TPM4: variants seen among roughly 807,000 people sequenced by gnomAD.
TPM4 encodes tropomyosin alpha-4 chain.
Under a neutral mutation model 35.8 loss-of-function variants are expected in TPM4, and 17 were observed. That is an observed-to-expected ratio of 0.47 (90% CI 0.32 to 0.71). The LOEUF is 0.71. TPM4 is among the 30% of genes least tolerant of loss of function. The pLI, the probability that TPM4 is intolerant of heterozygous loss-of-function variation, is 0.03. For missense variants in TPM4, 240 were observed against 320.9 expected (o/e 0.75, Z 1.93); for synonymous variants, 120 against 122.9 (o/e 0.98, Z 0.15).
rs2090777009 is a variant in TPM4, at chr19:16,102,901, G to A, written c.*1555G>A. The stretch of plus-strand genomic sequence containing the variant: ...TACCCAGGAAATACACTAGCAAATT[G>A]TGCAATGGAATAAAATCCACACTTT... On this transcript the variant is annotated 3_prime_UTR_variant, in exon 8 of 8. Coordinates refer to ENST00000643579, the MANE Select transcript of TPM4 (RefSeq NM_003290.3). 1.1e-5 allele frequency: 2 copies of A among 175,840 alleles called. No homozygotes were observed. The allele number at this position is 175,840 out of a possible 1,614,324, so 10.9% of individuals were successfully genotyped here.
At chr19:16,095,495 G>T in intron 7 of TPM4, 1 of 1,021,214 alleles carries the variant, frequency 9.8e-7, no homozygotes, top group Admixed American at 5.8e-5. Flanking sequence ...AAATAAAGAC[G>T]GGCAGTCCTC....
At chr19:16,073,474 T>G (rs1334413949), upstream of TPM4, among the ~76,000 whole-genome samples, 2 of 152,162 alleles carry the variant, frequency 1.3e-5, no homozygotes, top group Admixed American at 1.3e-4. Flanking sequence ...AAGGTTTCTG[T>G]TCTGCAGATG....
chr19:16,077,940 TTA>T, intron 1 of TPM4: 1 of 354,620 alleles, frequency 2.8e-6, no homozygotes, highest in Non-Finnish European at 5.0e-6. Context: ...TTTTTTTTTT[TTA>T]TTTTGGATTT....
At chr19:16,095,339 C>CT in intron 7 of TPM4, 1 of 1,038,050 alleles carries the variant, frequency 9.6e-7, no homozygotes, top group Non-Finnish European at 1.2e-6. Context: ...GACATGACCT[C>CT]TCTCTGAGAG....
intron 1 of TPM4, chr19:16,077,502 CCATCCTCTCTGCAT>C (rs919871208): frequency 6.6e-6 from 1 of 152,210 alleles, no homozygotes; most frequent in Non-Finnish European, 1.5e-5. Flanking sequence ...GGGAGTTTCA[CCATCCTCTCTGCAT>C]CATCCTCCTG....
Position 16,076,704 on chromosome 19 carries a change from G to A in TPM4, c.132+7G>A. 1 of 1,335,218 alleles carries A rather than the reference G, an allele frequency of 7.5e-7. No homozygotes were observed. Among genetic ancestry groups the A allele is most frequent in the Non-Finnish European group, 9.6e-7 (1 of 1,044,012 alleles). 82.7% of individuals were successfully genotyped at this position (1,335,218 alleles called of 1,614,324 possible). On this transcript the variant is annotated splice_region_variant and intron_variant, in intron 1 of 7. Coordinates refer to ENST00000643579, the MANE Select transcript of TPM4 (RefSeq NM_003290.3). ...GCGCGAGCGGCGCGAGAAAGTGAGC[G>A]CCCCGGCCTCGGGCCCCGCACCCGC... is the stretch of plus-strand genomic sequence containing the variant.
At chr19:16,081,830 A>G in intron 1 of TPM4, 83 bp from the exon 2 acceptor site, 1 of 1,447,520 alleles carries the variant, frequency 6.9e-7, no homozygotes, top group South Asian at 1.5e-5. Context: ...AGATCAGGTT[A>G]ACAGAGGGCA....
chr19:16,095,235 C>T (rs961878386), intron 7 of TPM4: 2 of 1,017,356 alleles, frequency 2.0e-6, no homozygotes, highest in African/African-American at 1.7e-5. Flanking sequence ...TACTTCTGAA[C>T]TGTCTCCCTG....
At chr19:16,076,875 C>G in intron 1 of TPM4, 178 bp downstream of exon 1, 6 of 1,217,560 alleles carry the variant, frequency 4.9e-6, no homozygotes, top group Non-Finnish European at 6.2e-6. Context: ...CTACTTCCTC[C>G]GCCGTCCTCC....
rs939063088 is a variant in TPM4, at chr19:16,102,995, A to G, written c.*1649A>G. On this transcript the variant is annotated 3_prime_UTR_variant, in exon 8 of 8. Coordinates refer to ENST00000643579, the MANE Select transcript of TPM4 (RefSeq NM_003290.3). ...ACATTTTGGTCAAATAAATTTTTAC[A>G]TAAACTACAATTTGCGTGAATTTTA... 6.5e-4 allele frequency: 130 copies of G among 199,532 alleles called. No homozygotes were observed. Among genetic ancestry groups the G allele is most frequent in the African/African-American group, 2.8e-3 (124 of 43,572 alleles). The allele number at this position is 199,532 out of a possible 1,614,324, so 12.4% of individuals were successfully genotyped here. A position where few individuals can be genotyped will look rare whatever the true frequency, so the allele number is the denominator to read the frequency against.
intron 7 of TPM4, chr19:16,095,377 C>G (rs2090683465): frequency 6.8e-6 from 7 of 1,034,560 alleles, no homozygotes; most frequent in East Asian, 5.9e-5. Flanking sequence ...CTCTGTCCTT[C>G]TCACATGGTG....
intron 2 of TPM4, among the ~76,000 whole-genome samples, chr19:16,069,752 G>A (rs1260613132): frequency 1.3e-5 from 2 of 150,602 alleles, no homozygotes; most frequent in South Asian, 4.2e-4. Flanking sequence ...TGGGGGGTGT[G>A]TGCATGTGTG....
upstream of TPM4, chr19:16,075,970 T>TG (rs1054811092): frequency 7.7e-5 from 118 of 1,528,282 alleles, no homozygotes; most frequent in Non-Finnish European, 9.0e-5. Flanking sequence ...TTGTGAATAT[T>TG]GGGGGGGACC....
At chr19:16,084,985 G>T (rs550026272) in intron 2 of TPM4, among the ~76,000 whole-genome samples, 1 of 151,998 alleles carries the variant, frequency 6.6e-6, no homozygotes, top group Non-Finnish European at 1.5e-5. Flanking sequence ...GGCAGGGTGC[G>T]GTGGCTCACA....
chr19:16,094,983 G>T (rs909033275), intron 7 of TPM4, among the ~76,000 whole-genome samples: 11 of 152,138 alleles, frequency 7.2e-5, no homozygotes, highest in African/African-American at 2.7e-4. Flanking sequence ...GAGGGGTGGG[G>T]ACCAGTGGGG....
At chr19:16,082,976 A>T (rs1178475386) in intron 2 of TPM4, among the ~76,000 whole-genome samples, 2 of 142,730 alleles carry the variant, frequency 1.4e-5, no homozygotes, top group Non-Finnish European at 3.0e-5. Flanking sequence ...TCAGTGACAG[A>T]TGAGATTCTG....
Position 16,070,749 on chromosome 19 carries a change from C to T in TPM4, c.114+3011C>T, listed in dbSNP as rs1568296875. On this transcript the variant is annotated intron_variant, in intron 2 of 2. Transcript: ENST00000589897. This position sits in a 1 kb window ranked among gnomAD's most constrained non-coding sequence, Gnocchi z 7.4. The stretch of plus-strand genomic sequence containing the variant: ...CGCCCTACTTCCCCTTTGGGCCTCC[C>T]CAGCCCCCCGTGCCCCAGGGCTGCC... Among the ~76,000 whole-genome samples the T allele has an allele frequency of 6.6e-6, 1 of 152,102 alleles. No homozygotes were observed. The highest frequency in any genetic ancestry group is 1.5e-5 in the Non-Finnish European group (1 of 67,988).
intron 1 of TPM4, chr19:16,077,482 T>G (rs1337853328): frequency 1.3e-5 from 2 of 152,174 alleles, no homozygotes; most frequent in Non-Finnish European, 2.9e-5. Context: ...ACAATGGGTC[T>G]GAAAAAGGAG....
Position 16,089,121 on chromosome 19 carries a change from G to A in TPM4, c.531+1G>A. The stretch of plus-strand genomic sequence containing the variant: ...ATCTCTGGAGGCTGCATCTGAAAAG[G>A]TAGGTGGTTGGCTTGAGCTGGAGGG... On this transcript the variant is annotated splice_donor_variant, in intron 5 of 7. Transcript: ENST00000643579. LOFTEE classifies it high-confidence loss of function. 6.2e-7 allele frequency: 1 copy of A among 1,613,442 alleles called. No individual in the cohort carries two copies. Among genetic ancestry groups the A allele is most frequent in the Non-Finnish European group, 8.5e-7 (1 of 1,180,010 alleles).
Sources: gnomAD v4.1 joint callset for allele counts (sites outside exome capture counted in the v4.1 genomes callset) on GRCh38, gnomAD v4.1.1 for gene constraint, Gnocchi (gnomAD v3.1) non-coding constraint, MANE v1.5 for transcripts, NCBI Gene and HGNC (gene_info 2026-07-23, HGNC 2026-07-21) for gene names.